ITGA4: variants seen among roughly 807,000 people sequenced by gnomAD.
ITGA4 encodes the protein integrin alpha-4.
A neutral mutation model predicts 133.6 loss-of-function variants in ITGA4; 63 were observed. That is an observed-to-expected ratio of 0.47 (90% CI 0.38 to 0.58). The LOEUF (loss-of-function observed/expected upper bound fraction) is 0.58. Ranked by LOEUF, ITGA4 falls within the 20% of genes least tolerant of loss-of-function variation. ITGA4 has a pLI of 0.00. For synonymous variants in ITGA4, 483 were observed against 438.0 expected (o/e 1.10, Z -1.28); for missense variants, 1,076 against 1,252.7 (o/e 0.86, Z 2.13).
rs1383829551 is a variant in ITGA4, at chr2:181,520,501, C to T, written c.1923-1690C>T. Among the ~76,000 whole-genome samples the T allele has an allele frequency of 2.6e-5, 4 of 152,040 alleles. No homozygotes were observed. The East Asian group carries it at 7.8e-4, about 29-fold the overall frequency. On this transcript the variant is annotated intron_variant, in intron 17 of 27. Coordinates refer to ENST00000397033, the MANE Select transcript of ITGA4 (RefSeq NM_000885.6). ...CTAGTTTGCTTTCTTGAAAATGACC[C>T]TCTGGCAGTGTGAAGACTGGATTAA...
rs1186954021 is a variant in ITGA4, at chr2:181,537,097, A to G, written c.*1570A>G. On this transcript the variant is annotated 3_prime_UTR_variant, in exon 28 of 28. Coordinates refer to ENST00000397033, the MANE Select transcript of ITGA4 (RefSeq NM_000885.6). ...GAACCCAGAGTGTGTATACACAGGA[A>G]TAAACTTTATGACATTTATGTATTT... 2.2e-6 allele frequency: 1 copy of G among 452,414 alleles called. No individual in the cohort carries two copies. Among genetic ancestry groups the G allele is most frequent in the East Asian group, 6.9e-5 (1 of 14,392 alleles). The allele number at this position is 452,414 out of a possible 1,614,324, so 28.0% of individuals were successfully genotyped here.
At chr2:181,533,300 A>T (rs1270790591) in intron 25 of ITGA4, among the ~76,000 whole-genome samples, 2 of 152,238 alleles carry the variant, frequency 1.3e-5, no homozygotes, top group African/African-American at 4.8e-5. Flanking sequence ...AACAGTGCTT[A>T]AGAGGAAGAT....
intron 2 of ITGA4, among the ~76,000 whole-genome samples, chr2:181,462,130 T>A (rs1685296171): frequency 6.6e-6 from 1 of 152,204 alleles, no homozygotes. Context: ...AACATTAAGT[T>A]CTCTGTGTAA....
intron 15 of ITGA4, among the ~76,000 whole-genome samples, chr2:181,507,349 T>C (rs571820544): frequency 3.3e-5 from 5 of 152,258 alleles, no homozygotes; most frequent in Non-Finnish European, 7.4e-5. Context: ...TTTAGGTTTC[T>C]CAATTGAATT....
At chr2:181,480,029 A>G in intron 5 of ITGA4, 108 bp from the exon 6 acceptor site, 1 of 670,924 alleles carries the variant, frequency 1.5e-6, no homozygotes, top group African/African-American at 1.9e-5. Flanking sequence ...TTCCTACTTC[A>G]GGAATTGATT....
intron 15 of ITGA4, among the ~76,000 whole-genome samples, chr2:181,499,180 C>G (rs1303723476): frequency 6.6e-6 from 1 of 152,068 alleles, no homozygotes; most frequent in Non-Finnish European, 1.5e-5. Context: ...TCATACGACT[C>G]CAGCGAAGCA....
chr2:181,514,025 G>A (rs975713139), intron 17 of ITGA4, among the ~76,000 whole-genome samples: 2 of 152,092 alleles, frequency 1.3e-5, no homozygotes, highest in Non-Finnish European at 2.9e-5. Context: ...GGTTTGCTGA[G>A]AATGGAACAA....
At chr2:181,482,718 TC>T in intron 9 of ITGA4, 67 bp downstream of exon 9, 1 of 1,438,568 alleles carries the variant, frequency 7.0e-7, no homozygotes, top group Non-Finnish European at 9.7e-7. Flanking sequence ...TTGGTCTTAT[TC>T]CAGAGATCTG....
At chr2:181,494,351 A>G (rs2105744412) in intron 11 of ITGA4, among the ~76,000 whole-genome samples, 1 of 152,320 alleles carries the variant, frequency 6.6e-6, no homozygotes, top group East Asian at 1.9e-4. Flanking sequence ...ACACACCTGT[A>G]ATCTCAGCTA....
intron 14 of ITGA4, among the ~76,000 whole-genome samples, chr2:181,496,706 T>C (rs923881351): frequency 1.3e-5 from 2 of 152,212 alleles, no homozygotes; most frequent in African/African-American, 4.8e-5. Flanking sequence ...TTATGTTTTA[T>C]TTAGGCTAAT....
At chr2:181,511,926 G>A (rs944261389) in intron 17 of ITGA4, 151 bp downstream of exon 17, 15 of 524,250 alleles carry the variant, frequency 2.9e-5, no homozygotes, top group African/African-American at 5.8e-5. Context: ...GTTTTTTATC[G>A]GCCAGAAAAC....
Position 181,523,365 on chromosome 2 carries a change from C to A in ITGA4, c.2074-72C>A. 1.2e-6 allele frequency: 1 copy of A among 830,950 alleles called. No individual in the cohort carries two copies. Among genetic ancestry groups the A allele is most frequent in the Non-Finnish European group, 2.1e-6 (1 of 487,672 alleles). The allele number at this position is 830,950 out of a possible 1,614,324, so 51.5% of individuals were successfully genotyped here. A position where few individuals can be genotyped will look rare whatever the true frequency, so the allele number is the denominator to read the frequency against. The stretch of plus-strand genomic sequence containing the variant: ...CTGGGATGATATTCTTTTCAATAAC[C>A]ATCCTTAAACATATGTTACAAACTT... On this transcript the variant is annotated intron_variant, in intron 18 of 27. Transcript: ENST00000397033. This position sits in a 1 kb window ranked among gnomAD's most constrained non-coding sequence, Gnocchi z 4.2.
At chr2:181,485,178 T>G (rs1036262969) in intron 9 of ITGA4, among the ~76,000 whole-genome samples, 3 of 152,184 alleles carry the variant, frequency 2.0e-5, no homozygotes, top group Non-Finnish European at 4.4e-5. Flanking sequence ...GTGTTTAGTA[T>G]TATTCCCTAA....
At chr2:181,489,323 C>A (rs562357258) in intron 10 of ITGA4, among the ~76,000 whole-genome samples, 2 of 152,158 alleles carry the variant, frequency 1.3e-5, no homozygotes, top group South Asian at 4.1e-4. Context: ...AAAAGCAACA[C>A]AAGCCATTTT....
At chr2:181,503,856 CAA>C (rs1686336483) in intron 15 of ITGA4, among the ~76,000 whole-genome samples, 1 of 151,914 alleles carries the variant, frequency 6.6e-6, no homozygotes, top group African/African-American at 2.4e-5. Flanking sequence ...TTTAAATATA[CAA>C]CTTCATCAAA....
Position 181,498,775 on chromosome 2 carries a change from C to A in ITGA4, c.1693C>A (p.Arg565=), listed in dbSNP as rs201091569. The A allele has an allele frequency of 6.3e-7, 1 of 1,588,230 alleles. No individual in the cohort carries two copies. Among genetic ancestry groups the A allele is most frequent in the Non-Finnish European group, 8.6e-7 (1 of 1,169,098 alleles). Residue 565 remains arginine (R), a splice_region_variant and synonymous_variant, in exon 15 of 28, where the codon CGG becomes AGG. Transcript: ENST00000397033. ...CTGTAGAACACATCAAGCATTTATG[C>A]GGGTAATGTAAGCTATTTTTTATTA... The part of the protein sequence containing the change: ...ANCRTHQAFM[R]KDVRDILTPI...
At position 181,457,687 on chromosome 2, in the gene ITGA4, C is replaced by G. The variant is rs755868093; in HGVS notation, c.33C>G (p.Pro11=). The G allele has an allele frequency of 6.2e-7, 1 of 1,611,436 alleles. No individual in the cohort carries two copies. Among genetic ancestry groups the G allele is most frequent in the African/African-American group, 1.3e-5 (1 of 74,788 alleles). MAWEARREPG[P]RRAAVRETVM... is the part of the protein sequence containing the mutation. ...GGGAAGCGAGGCGCGAACCCGGCCCCCGAAGGGCCGCCGTCCGGGAGACGG... is the reference window on the plus strand; with the variant it reads ...GGGAAGCGAGGCGCGAACCCGGCCCGCGAAGGGCCGCCGTCCGGGAGACGG... Residue 11 remains proline (P), a synonymous_variant, in exon 1 of 28, where the codon CCC becomes CCG. Coordinates refer to ENST00000397033, the MANE Select transcript of ITGA4 (RefSeq NM_000885.6).
chr2:181,493,675 A>G (rs1212636103), intron 11 of ITGA4, among the ~76,000 whole-genome samples: 1 of 152,138 alleles, frequency 6.6e-6, no homozygotes, highest in Admixed American at 6.5e-5. Context: ...TTCTCTTTGT[A>G]TTTCATTAAA....
At chr2:181,509,539 G>T in intron 15 of ITGA4, 119 bp from the exon 16 acceptor site, 1 of 568,334 alleles carries the variant, frequency 1.8e-6, no homozygotes, top group East Asian at 3.2e-5. Flanking sequence ...TTAGATAAAA[G>T]ATAAGTATTT....
Sources: gnomAD v4.1 joint callset for allele counts (sites outside exome capture counted in the v4.1 genomes callset) on GRCh38, gnomAD v4.1.1 for gene constraint, Gnocchi (gnomAD v3.1) non-coding constraint, MANE v1.5 for transcripts, NCBI Gene and HGNC (gene_info 2026-07-23, HGNC 2026-07-21) for gene names.